PDIA3: variants seen among roughly 807,000 people sequenced by gnomAD.
The protein encoded by PDIA3 is protein disulfide isomerase family A member 3, also known as protein disulfide-isomerase A3.
Under a neutral mutation model 56.9 loss-of-function variants are expected in PDIA3, and 16 were observed. The ratio of observed to expected loss-of-function variants is 0.28; its 90% CI spans 0.19 to 0.43. The LOEUF is 0.43. Ranked by LOEUF, PDIA3 falls within the 20% of genes least tolerant of loss-of-function variation. The probability of loss-of-function intolerance (pLI) is 1.00; values close to 1 mark genes in which losing one functional copy is unlikely to be tolerated. For missense variants in PDIA3, 485 were observed against 621.3 expected (o/e 0.78, Z 2.33); for synonymous variants, 192 against 216.5 (o/e 0.89, Z 0.99).
In PDIA3 at chr15:43,763,156, T is replaced by C; in HGVS notation, c.552T>C (p.Phe184=). ...AASNLRDNYR[F]AHTNVESLVN... ...GCAACTTGAGGGATAACTACCGATT[T>C]GCACATACGAATGTTGAGTCTCTGG... is the stretch of plus-strand genomic sequence containing the variant. The change falls in exon 5 of 13, where the codon TTT becomes TTC. Residue 184 remains phenylalanine, a synonymous_variant. Transcript: ENST00000300289. The C allele has an allele frequency of 6.2e-7, 1 of 1,614,182 alleles. No homozygotes were observed. The highest frequency in any genetic ancestry group is 8.5e-7 in the Non-Finnish European group (1 of 1,180,004).
intron 1 of PDIA3, among the ~76,000 whole-genome samples, chr15:43,748,127 A>G (rs1261281958): frequency 6.6e-6 from 1 of 152,188 alleles, no homozygotes; most frequent in African/African-American, 2.4e-5. Context: ...GGGTCATGCA[A>G]CAATTTAAAG....
rs879054007 is a variant in PDIA3, at chr15:43,765,646, ATT to A, written c.719+83_719+84del. On this transcript the variant is annotated intron_variant, in intron 6 of 12. Coordinates refer to ENST00000300289, the MANE Select transcript of PDIA3 (RefSeq NM_005313.5). ...TACCTCAGTTATTAAGCCGAGCTAT[ATT>A]TTGGCGTAAACAGTCTATTTGGGGG... 4.9e-5 allele frequency: 49 copies of A among 999,710 alleles called. No homozygotes were observed. In the South Asian group the frequency reaches 5.7e-4, roughly 12 times the overall value. The allele number at this position is 999,710 out of a possible 1,614,324, so 61.9% of individuals were successfully genotyped here. A position where few individuals can be genotyped will look rare whatever the true frequency, so the allele number is the denominator to read the frequency against.
chr15:43,765,158 T>C (rs1376658389), intron 5 of PDIA3, among the ~76,000 whole-genome samples: 1 of 152,116 alleles, frequency 6.6e-6, no homozygotes, highest in Admixed American at 6.6e-5. Flanking sequence ...GGAGGATCGC[T>C]TGAGCCTGGG....
intron 5 of PDIA3, among the ~76,000 whole-genome samples, chr15:43,763,941 A>G (rs531094976): frequency 3.3e-5 from 5 of 152,260 alleles, no homozygotes; most frequent in African/African-American, 9.6e-5. Context: ...GGCCCATAGT[A>G]CTGCTGGAGT....
In PDIA3 at chr15:43,763,181, G is replaced by A. The variant is rs192183348; in HGVS notation, c.577G>A (p.Val193Met). Residue 193 changes from valine (V) to methionine (M), a missense_variant, in exon 5 of 13, where the codon GTG becomes ATG. Physicochemically the swap from Val to Met is conservative, Grantham distance 21. Transcript: ENST00000300289. ...RFAHTNVESL[V>M]NEYDDNGEGI... ...TGCACATACGAATGTTGAGTCTCTG[G>A]TGAACGAGTATGATGATAATGGAGA... 194 of 1,614,072 alleles carry A rather than the reference G, an allele frequency of 1.2e-4. No homozygotes were observed. Among genetic ancestry groups the A allele is most frequent in the Non-Finnish European group, 1.5e-4 (177 of 1,179,964 alleles).
At chr15:43,747,911 G>C (rs2086717457) in intron 1 of PDIA3, among the ~76,000 whole-genome samples, 1 of 152,168 alleles carries the variant, frequency 6.6e-6, no homozygotes, top group Admixed American at 6.5e-5. Context: ...GACAGATTTT[G>C]TGTCCAGGGC....
intron 2 of PDIA3, among the ~76,000 whole-genome samples, chr15:43,755,511 AC>A (rs926349870): frequency 5.3e-5 from 8 of 152,180 alleles, no homozygotes; most frequent in Admixed American, 5.2e-4. Flanking sequence ...TCTGTAGTAA[AC>A]CCATAGTTGT....
intron 1 of PDIA3, among the ~76,000 whole-genome samples, chr15:43,753,267 G>A (rs1474517338): frequency 6.6e-6 from 1 of 152,050 alleles, no homozygotes; most frequent in Non-Finnish European, 1.5e-5. Flanking sequence ...CAGTAGAGAC[G>A]GGGTTTCACT....
intron 3 of PDIA3, among the ~76,000 whole-genome samples, chr15:43,759,329 G>A (rs2086799868): frequency 6.6e-6 from 1 of 152,096 alleles, no homozygotes. Flanking sequence ...CCATATATAT[G>A]ATCCAGCTTC....
chr15:43,757,928 T>C (rs1348474123), intron 3 of PDIA3, among the ~76,000 whole-genome samples: 3 of 147,930 alleles, frequency 2.0e-5, no homozygotes, highest in Non-Finnish European at 4.5e-5. Flanking sequence ...CCCATTAGGA[T>C]GGCTACTATT....
rs1309059614 is a variant in PDIA3, at chr15:43,746,658, C to T, written c.119C>T (p.Ser40Phe). The change falls in exon 1 of 13, where the codon TCC (serine) becomes TTC (phenylalanine). Residue 40 changes from serine (S) to phenylalanine (F), a missense_variant. Coordinates refer to ENST00000300289, the MANE Select transcript of PDIA3 (RefSeq NM_005313.5). ...LTDDNFESRI[S>F]DTGSAGLMLV... ...GACGACAACTTCGAGAGTCGCATCT[C>T]CGACACGGGCTCTGCGGGCCTCATG... 1.2e-6 allele frequency: 2 copies of T among 1,612,990 alleles called. No individual in the cohort carries two copies. Among genetic ancestry groups the T allele is most frequent in the Non-Finnish European group, 8.5e-7 (1 of 1,179,914 alleles).
intron 11 of PDIA3, 26 bp from the exon 12 acceptor site, chr15:43,770,496 GA>G: frequency 6.3e-7 from 1 of 1,584,920 alleles, no homozygotes; most frequent in Non-Finnish European, 8.7e-7. Context: ...ATAACTGCTT[GA>G]AATTAATAAA....
chr15:43,756,186 GTAC>G (rs982943315), intron 2 of PDIA3, among the ~76,000 whole-genome samples: 1 of 152,138 alleles, frequency 6.6e-6, no homozygotes, highest in Admixed American at 6.5e-5. Flanking sequence ...CAGGGTACGT[GTAC>G]AGGTGTTGGT....
At chr15:43,759,914 C>A (rs1279908626) in intron 3 of PDIA3, among the ~76,000 whole-genome samples, 2 of 152,002 alleles carry the variant, frequency 1.3e-5, no homozygotes, top group Admixed American at 6.6e-5. Flanking sequence ...ATAGTGAAAC[C>A]CCGTCTGTAC....
At position 43,747,872 on chromosome 15, in the gene PDIA3, T is replaced by G. The variant is rs565195509; in HGVS notation, c.167+1166T>G. On this transcript the variant is annotated intron_variant, in intron 1 of 12. Coordinates refer to ENST00000300289, the MANE Select transcript of PDIA3 (RefSeq NM_005313.5). ...GACCACCTGAATCAGAATGATGTGC[T>G]AGAGATGGCAAATTTTGTTTGCAGC... Among the ~76,000 whole-genome samples the G allele has an allele frequency of 3.3e-5, 5 of 152,340 alleles. No individual in the cohort carries two copies. In the East Asian group the frequency reaches 5.8e-4, roughly 18 times the overall value.
intron 1 of PDIA3, chr15:43,752,765 TCTC>T (rs1341739113): frequency 4.3e-6 from 2 of 470,470 alleles, no homozygotes; most frequent in Non-Finnish European, 8.8e-6. Context: ...TCAAGTTTCT[TCTC>T]TATTATATTT....
chr15:43,751,131 C>CG (rs1473070491), intron 1 of PDIA3, among the ~76,000 whole-genome samples: 8 of 58,982 alleles, frequency 1.4e-4, no homozygotes, highest in African/African-American at 3.6e-4. Flanking sequence ...GACTCCGTCT[C>CG]GAAAAAAAAA....
intron 9 of PDIA3, 99 bp downstream of exon 9, chr15:43,768,696 TC>T (rs2086863241): frequency 5.2e-6 from 4 of 768,826 alleles, no homozygotes; most frequent in South Asian, 1.7e-5. Context: ...GTTGGCCATC[TC>T]TTTTTTTTTT....
At chr15:43,746,862 C>G in intron 1 of PDIA3, 156 bp downstream of exon 1, 3 of 841,416 alleles carry the variant, frequency 3.6e-6, no homozygotes, top group Non-Finnish European at 5.5e-6. Context: ...CTGGAGGCGC[C>G]TCGCCGAGAG....
Sources: allele counts gnomAD v4.1 joint callset (sites outside exome capture counted in the v4.1 genomes callset), GRCh38; gene constraint gnomAD v4.1.1; transcripts MANE v1.5; gene names NCBI Gene and HGNC (gene_info 2026-07-23, HGNC 2026-07-21).